Variants in DGKD observed in about 807,000 individuals in gnomAD.
DGKD encodes the protein diacylglycerol kinase delta.
Under a neutral mutation model 154.4 loss-of-function variants are expected in DGKD, and 68 were observed. That is an observed-to-expected ratio of 0.44 (90% confidence interval 0.36 to 0.54). The LOEUF is 0.54. DGKD is among the 20% of genes least tolerant of loss of function. The pLI, the probability that DGKD is intolerant of heterozygous loss-of-function variation, is 0.00. For synonymous variants in DGKD, 693 were observed against 638.0 expected (o/e 1.09, Z -1.30); for missense variants, 1,343 against 1,593.6 (o/e 0.84, Z 2.68).
At chr2:233,374,210 C>G (rs1702461166) in intron 1 of DGKD, among the ~76,000 whole-genome samples, 1 of 152,052 alleles carries the variant, frequency 6.6e-6, no homozygotes, top group East Asian at 1.9e-4. Context: ...GCTACGATGC[C>G]TGGCTAGTTT....
At chr2:233,448,404 G>A (rs1332177030) in intron 14 of DGKD, 29 bp downstream of exon 14, 2 of 1,601,348 alleles carry the variant, frequency 1.2e-6, no homozygotes, top group Non-Finnish European at 1.7e-6. Context: ...GGTGGGAGGG[G>A]CATTGAGGCA....
intron 3 of DGKD, among the ~76,000 whole-genome samples, chr2:233,395,453 A>C (rs1159162759): frequency 6.6e-6 from 1 of 151,922 alleles, no homozygotes; most frequent in African/African-American, 2.4e-5. Flanking sequence ...TACAGGCATG[A>C]GCCACCACAC....
intron 1 of DGKD, among the ~76,000 whole-genome samples, chr2:233,383,499 T>C (rs994954864): frequency 6.6e-6 from 1 of 152,204 alleles, no homozygotes; most frequent in Non-Finnish European, 1.5e-5. Flanking sequence ...AGTTTAGCAG[T>C]CATAGCTTAT....
At chr2:233,363,170 A>G (rs547185763) in intron 1 of DGKD, among the ~76,000 whole-genome samples, 1 of 152,358 alleles carries the variant, frequency 6.6e-6, no homozygotes, top group South Asian at 2.1e-4. Flanking sequence ...AGGCATTGTT[A>G]TCATAGGAGG....
In DGKD at chr2:233,462,721, G is replaced by A. The variant is rs1248377686; in HGVS notation, c.3172G>A (p.Gly1058Arg). The A allele has an allele frequency of 1.2e-6, 2 of 1,613,752 alleles. No homozygotes were observed. The highest frequency in any genetic ancestry group is 1.7e-6 in the Non-Finnish European group (2 of 1,179,952). The change falls in exon 26 of 30, where the codon GGG (glycine) becomes AGG (arginine). Residue 1058 changes from glycine to arginine, a missense_variant. Coordinates refer to ENST00000264057, the MANE Select transcript of DGKD (RefSeq NM_152879.3). ...LRSETELLLSGKMALQLDPPQ... is the reference protein window; with the variant it reads ...LRSETELLLSRKMALQLDPPQ... ...CAGTGAGACGGAGCTGCTGCTGTCT[G>A]GGAAGATGGCCCTGGTAAGCTGGTG...
At chr2:233,410,015 A>C (rs2061787461) in intron 3 of DGKD, among the ~76,000 whole-genome samples, 1 of 151,680 alleles carries the variant, frequency 6.6e-6, no homozygotes, top group African/African-American at 2.4e-5. Context: ...AATTTGGTAG[A>C]GATATGATCT....
rs201600394 is a variant in DGKD at position 233,373,087 on chromosome 2, C to T, written c.157-15170C>T. 3.3e-5 allele frequency among the ~76,000 whole-genome samples: 5 copies of T among 152,148 alleles called. No homozygotes were observed. In the East Asian group the frequency reaches 7.7e-4, roughly 23 times the overall value. On this transcript the variant is annotated intron_variant, in intron 1 of 29. Coordinates refer to ENST00000264057, the MANE Select transcript of DGKD (RefSeq NM_152879.3). ...CTGTGCGCGTGCTGTCCCACTTCAC[C>T]TTCACAACTTCATGGTGGCTGCACC...
At chr2:233,451,107 T>G in intron 17 of DGKD, 57 bp downstream of exon 17, 1 of 1,539,050 alleles carries the variant, frequency 6.5e-7, no homozygotes. Flanking sequence ...ACTGGTCCCG[T>G]CAAACTGAAA....
rs1468826547 is a variant in DGKD at position 233,402,695 on chromosome 2, G to A, written c.348+12212G>A. 2.6e-5 allele frequency among the ~76,000 whole-genome samples: 4 copies of A among 152,204 alleles called. 1 individual carries two copies. The highest frequency in any genetic ancestry group is 5.9e-5 in the Non-Finnish European group (4 of 68,044). On this transcript the variant is annotated intron_variant, in intron 3 of 29. Coordinates refer to ENST00000264057, the MANE Select transcript of DGKD (RefSeq NM_152879.3). ...GTTAGCCCCTGTGCTCTGTGTGTGC[G>A]CTTTTAGCGAGTTTGCCAGCTGGAA...
Position 233,451,069 on chromosome 2 carries a change from G to A in DGKD, c.2167+19G>A, listed in dbSNP as rs2063270968. 1 of 1,594,512 alleles carries A rather than the reference G, an allele frequency of 6.3e-7. No individual in the cohort carries two copies. Among genetic ancestry groups the A allele is most frequent in the Admixed American group, 1.7e-5 (1 of 59,752 alleles). ...TACCCAAGTGAGTGGCGGCCAGCAG[G>A]AGGGACTGGTGGGGGCCCTAGCACA... On this transcript the variant is annotated intron_variant, in intron 17 of 29. Coordinates refer to ENST00000264057, the MANE Select transcript of DGKD (RefSeq NM_152879.3).
chr2:233,402,279 G>A (rs1050492748), intron 3 of DGKD, among the ~76,000 whole-genome samples: 1 of 152,168 alleles, frequency 6.6e-6, no homozygotes, highest in African/African-American at 2.4e-5. Flanking sequence ...TTTGCAAGTG[G>A]GTGCTTTTTC....
chr2:233,464,586 A>G (rs1384633639), intron 27 of DGKD, among the ~76,000 whole-genome samples: 2 of 152,150 alleles, frequency 1.3e-5, no homozygotes, highest in Non-Finnish European at 1.5e-5. Context: ...GCCCAGCCCC[A>G]CAGCCTCCCC....
chr2:233,396,826 C>T (rs1411596691), intron 3 of DGKD, among the ~76,000 whole-genome samples: 1 of 152,038 alleles, frequency 6.6e-6, no homozygotes, highest in Non-Finnish European at 1.5e-5. Context: ...AGTGCGAAGA[C>T]CTTGGGATGG....
intron 2 of DGKD, among the ~76,000 whole-genome samples, 158 bp from the exon 3 acceptor site, chr2:233,390,245 T>C (rs1703508078): frequency 6.6e-6 from 1 of 152,166 alleles, no homozygotes; most frequent in South Asian, 2.1e-4. Flanking sequence ...GGTGGGTTAA[T>C]TTGGATTGGC....
intron 29 of DGKD, 76 bp downstream of exon 29, chr2:233,468,629 G>A (rs928212509): frequency 6.3e-6 from 10 of 1,588,492 alleles, no homozygotes; most frequent in Admixed American, 1.7e-5. Context: ...CCTCTCCCCC[G>A]ACCTGGCCAT....
intron 1 of DGKD, among the ~76,000 whole-genome samples, chr2:233,367,523 C>G (rs1388361738): frequency 6.6e-6 from 1 of 152,130 alleles, no homozygotes; most frequent in African/African-American, 2.4e-5. Flanking sequence ...GCCACCGCAC[C>G]CAGCTGTATT....
At position 233,383,284 on chromosome 2, in the gene DGKD, A is replaced by T. The variant is rs573251266; in HGVS notation, c.157-4973A>T. On this transcript the variant is annotated intron_variant, in intron 1 of 29. Transcript: ENST00000264057. ...TCGAACTCCTGACCTCAGGTGATCC[A>T]CCTGCTTCGGCCTTCCAAAGTGCTG... Among the ~76,000 whole-genome samples, 10 of 152,068 alleles carry T rather than the reference A, an allele frequency of 6.6e-5. No homozygotes were observed. The South Asian group carries it at 2.1e-3, about 32-fold the overall frequency.
chr2:233,457,422 G>T lies in DGKD; in HGVS notation c.2580+94G>T, dbSNP rs986835008. On this transcript the variant is annotated intron_variant, in intron 21 of 29. Transcript: ENST00000264057. The surrounding 1 kb of genome is among the most constrained non-coding windows in gnomAD (Gnocchi z 5.5). ...TTCTGCTGTGGCTGGGGTGGATCCA[G>T]CTCTTCTGTTGTGCCAGCAGTGGGG... The T allele has an allele frequency of 3.1e-6, 3 of 957,990 alleles. No homozygotes were observed. 59.3% of individuals were successfully genotyped at this position (957,990 alleles called of 1,614,324 possible).
At chr2:233,384,098 G>A (rs996642986) in intron 1 of DGKD, among the ~76,000 whole-genome samples, 1 of 152,052 alleles carries the variant, frequency 6.6e-6, no homozygotes, top group Non-Finnish European at 1.5e-5. Flanking sequence ...AAAGTTGTAA[G>A]TTGAAAAAAA....
Sources: allele counts gnomAD v4.1 joint callset (sites outside exome capture counted in the v4.1 genomes callset), GRCh38; gene constraint gnomAD v4.1.1; non-coding constraint Gnocchi (gnomAD v3.1); transcripts MANE v1.5; gene names NCBI Gene and HGNC (gene_info 2026-07-23, HGNC 2026-07-21).